The following LRCH1 variants were observed in gnomAD, a reference collection of about 807,000 sequenced individuals.
LRCH1 encodes leucine rich repeats and calponin homology domain containing 1.
In LRCH1, 23 loss-of-function variants were observed where a neutral mutation model predicts 94.9. The ratio of observed to expected loss-of-function variants is 0.24; its 90% CI spans 0.17 to 0.34. The LOEUF (loss-of-function observed/expected upper bound fraction) is 0.34. Ranked by LOEUF, LRCH1 falls within the 10% of genes least tolerant of loss-of-function variation. The pLI, the probability that LRCH1 is intolerant of heterozygous loss-of-function variation, is 1.00. For missense variants in LRCH1, 790 were observed against 945.9 expected (o/e 0.84, Z 2.16); for synonymous variants, 364 against 354.9 (o/e 1.03, Z -0.29).
chr13:46,643,329 A>G (rs2051181481), intron 1 of LRCH1, among the ~76,000 whole-genome samples: 3 of 152,188 alleles, frequency 2.0e-5, no homozygotes. Context: ...CTGACCTTTC[A>G]AAAGGCAGAG....
chr13:46,663,108 T>G (rs940997017), intron 2 of LRCH1, among the ~76,000 whole-genome samples: 1 of 152,216 alleles, frequency 6.6e-6, no homozygotes, highest in Non-Finnish European at 1.5e-5. Flanking sequence ...GCATAACTGC[T>G]TTCAAAGTTA....
intron 2 of LRCH1, among the ~76,000 whole-genome samples, chr13:46,660,566 G>A (rs1476813965): frequency 1.3e-5 from 2 of 152,174 alleles, no homozygotes; most frequent in Non-Finnish European, 2.9e-5. Context: ...GACAGAGCAG[G>A]AACTCAGCAG....
Position 46,741,720 on chromosome 13 carries a change from C to T in LRCH1, c.2164C>T (p.Leu722Phe), listed in dbSNP as rs1286785866. The T allele has an allele frequency of 1.2e-6, 2 of 1,614,230 alleles. No individual in the cohort carries two copies. Among genetic ancestry groups the T allele is most frequent in the Admixed American group, 3.3e-5 (2 of 60,028 alleles). The change falls in exon 20 of 20, where the codon CTC (leucine) becomes TTC (phenylalanine). Residue 722 changes from leucine to phenylalanine, a missense_variant. Coordinates refer to ENST00000389797, the MANE Select transcript of LRCH1 (RefSeq NM_001164211.2). ...AAAGACTGTTGACACTCTGCTGGCA[C>T]TCGGGGAGAAAGCCCCACCACCAAC... Reference protein sequence around the residue: ...IRKTVDTLLALGEKAPPPTSA... With the variant: ...IRKTVDTLLAFGEKAPPPTSA...
At chr13:46,733,051 C>T (rs1012192254) in intron 18 of LRCH1, among the ~76,000 whole-genome samples, 14 of 152,102 alleles carry the variant, frequency 9.2e-5, no homozygotes, top group Admixed American at 2.0e-4. Flanking sequence ...CTCTATAAGA[C>T]GGAATGAATT....
intron 2 of LRCH1, among the ~76,000 whole-genome samples, chr13:46,666,359 C>T (rs1465208217): frequency 6.6e-6 from 1 of 152,180 alleles, no homozygotes; most frequent in Non-Finnish European, 1.5e-5. Context: ...CTCAAATACT[C>T]ACGCATCTGA....
At position 46,741,833 on chromosome 13, in the gene LRCH1, T is replaced by G. The variant is rs1045089019; in HGVS notation, c.2277T>G (p.Asn759Lys). The G allele has an allele frequency of 6.2e-7, 1 of 1,614,128 alleles. No individual in the cohort carries two copies. Among genetic ancestry groups the G allele is most frequent in the Non-Finnish European group, 8.5e-7 (1 of 1,180,028 alleles). Residue 759 changes from asparagine (N) to lysine (K), a missense_variant, in exon 20 of 20, where the codon AAT (asparagine) becomes AAG (lysine). Coordinates refer to ENST00000389797, the MANE Select transcript of LRCH1 (RefSeq NM_001164211.2). ...IVLVYITYHWNALSA is the reference protein window; with the variant it reads ...IVLVYITYHWKALSA ...TGGTCTATATCACTTACCACTGGAA[T>G]GCTCTGTCCGCATAATGTCTGCACG...
intron 1 of LRCH1, among the ~76,000 whole-genome samples, chr13:46,622,469 C>A (rs1472500905): frequency 6.6e-6 from 1 of 152,152 alleles, no homozygotes; most frequent in Non-Finnish European, 1.5e-5. Context: ...AGTGCAAATC[C>A]TGACACTGTC....
At position 46,743,734 on chromosome 13, in the gene LRCH1, GAA is replaced by G. The variant is rs5803371; in HGVS notation, c.*1896_*1897del. ...TCCCTTCTTTCTGGGGAGAAAATGG[GAA>G]AAAAAAAAAGAAAACTTACTGGGTT... On this transcript the variant is annotated 3_prime_UTR_variant, in exon 20 of 20. Coordinates refer to ENST00000389797, the MANE Select transcript of LRCH1 (RefSeq NM_001164211.2). 1.3e-4 allele frequency: 110 copies of G among 860,024 alleles called. No homozygotes were observed. The highest frequency in any genetic ancestry group is 1.2e-3 in the Middle Eastern group (2 of 1,674). The allele number at this position is 860,024 out of a possible 1,614,324, so 53.3% of individuals were successfully genotyped here. A position where few individuals can be genotyped will look rare whatever the true frequency, so the allele number is the denominator to read the frequency against.
In LRCH1 at chr13:46,731,124, C is replaced by CTTT. The variant is rs34512042; in HGVS notation, c.2007+2155_2007+2157dup. On this transcript the variant is annotated intron_variant, in intron 18 of 19. Transcript: ENST00000389797. ...ACCATTATGTCTTCTTTACTATAAG[C>CTTT]TTTTTTTTTTTTTTTTTGGTAAAAT... Among the ~76,000 whole-genome samples the CTTT allele has an allele frequency of 1.4e-4, 18 of 127,820 alleles. No individual in the cohort carries two copies. The South Asian group carries it at 2.2e-3, about 16-fold the overall frequency. The allele number at this position is 127,820 out of a possible 152,430, so 83.9% of individuals were successfully genotyped here.
chr13:46,710,569 G>T (rs1297617287), intron 13 of LRCH1, among the ~76,000 whole-genome samples: 1 of 152,180 alleles, frequency 6.6e-6, no homozygotes, highest in East Asian at 1.9e-4. Flanking sequence ...CTAGAGGAAA[G>T]AATTGCTTAT....
intron 1 of LRCH1, among the ~76,000 whole-genome samples, chr13:46,583,799 C>T (rs185490243): frequency 6.7e-6 from 1 of 149,122 alleles, no homozygotes; most frequent in Non-Finnish European, 1.5e-5. Context: ...GTCACTGTGT[C>T]CCCCAGGCTG....
chr13:46,627,824 G>T (rs76219230), intron 1 of LRCH1, among the ~76,000 whole-genome samples: 1 of 152,014 alleles, frequency 6.6e-6, no homozygotes, highest in African/African-American at 2.4e-5. Flanking sequence ...TTTTGGATCC[G>T]TGTAATTTCT....
chr13:46,573,866 A>ATATATATATATATATTT, intron 1 of LRCH1, among the ~76,000 whole-genome samples: 17 of 63,380 alleles, frequency 2.7e-4, no homozygotes, highest in East Asian at 1.3e-3. Flanking sequence ...ATATATATAT[A>ATATATATATATATATTT]TTTTTTTTTT....
In LRCH1 at chr13:46,608,253, G is replaced by A. The variant is rs79255086; in HGVS notation, c.308-41948G>A. On this transcript the variant is annotated intron_variant, in intron 1 of 19. Coordinates refer to ENST00000389797, the MANE Select transcript of LRCH1 (RefSeq NM_001164211.2). ...GAAAAGTGCAGACGTGTTCTTGTGC[G>A]ACCTCCAGATGTGGTGTGGAGATGG... Among the ~76,000 whole-genome samples the A allele has an allele frequency of 5.1e-3, 776 of 152,258 alleles. 5 individuals are homozygous for A. The highest frequency in any genetic ancestry group is 0.018 in the African/African-American group (734 of 41,554).
Position 46,735,795 on chromosome 13 carries a change from T to TTTTTTTTTTTTTTTG in LRCH1, c.2085+1811_2085+1812insGTTTTTTTTTTTTTT. Among the ~76,000 whole-genome samples, 2 of 145,328 alleles carry TTTTTTTTTTTTTTTG rather than the reference T, an allele frequency of 1.4e-5. 1 individual carries two copies. Among genetic ancestry groups the TTTTTTTTTTTTTTTG allele is most frequent in the African/African-American group, 5.0e-5 (2 of 39,610 alleles). On this transcript the variant is annotated intron_variant, in intron 19 of 19. Coordinates refer to ENST00000389797, the MANE Select transcript of LRCH1 (RefSeq NM_001164211.2). Reference sequence around the variant, plus strand: ...TTTCCTTTTTTTCTTTTTCTTTTCTTTTTTTTTTTTTTTTCGAGATGGAGT... The same window carrying TTTTTTTTTTTTTTTG: ...TTTCCTTTTTTTCTTTTTCTTTTCTTTTTTTTTTTTTTTTGTTTTTTTTTTTTTTCGAGATGGAGT...
chr13:46,571,551 C>T (rs754625386), intron 1 of LRCH1, among the ~76,000 whole-genome samples: 7 of 152,170 alleles, frequency 4.6e-5, no homozygotes, highest in Non-Finnish European at 1.0e-4. Context: ...TGGAACTGTG[C>T]ATGCTGTGAA....
At chr13:46,655,288 T>C (rs1282564372) in intron 2 of LRCH1, among the ~76,000 whole-genome samples, 1 of 152,218 alleles carries the variant, frequency 6.6e-6, no homozygotes, top group Non-Finnish European at 1.5e-5. Flanking sequence ...ATAAATTTAA[T>C]TAGCACATGA....
intron 9 of LRCH1, among the ~76,000 whole-genome samples, chr13:46,696,077 C>CT (rs1438880636): frequency 6.6e-6 from 1 of 152,150 alleles, no homozygotes; most frequent in African/African-American, 2.4e-5. Context: ...TGTCCCCTGT[C>CT]TCCATTGACA....
chr13:46,574,940 T>C (rs576408762), intron 1 of LRCH1, among the ~76,000 whole-genome samples: 12 of 150,548 alleles, frequency 8.0e-5, no homozygotes, highest in African/African-American at 2.9e-4. Flanking sequence ...GTGGTAATAA[T>C]AAATATTCTG....
Sources: gnomAD v4.1 joint callset for allele counts (sites outside exome capture counted in the v4.1 genomes callset) on GRCh38, gnomAD v4.1.1 for gene constraint, MANE v1.5 for transcripts, NCBI Gene and HGNC (gene_info 2026-07-23, HGNC 2026-07-21) for gene names.